The following PRKCH variants were observed in gnomAD, a reference collection of about 807,000 sequenced individuals.
PRKCH encodes the protein protein kinase C eta.
Under a neutral mutation model 82.5 loss-of-function variants are expected in PRKCH, and 28 were observed. The ratio of observed to expected loss-of-function variants is 0.34; its 90% CI spans 0.25 to 0.47. The LOEUF (loss-of-function observed/expected upper bound fraction) is 0.47. PRKCH is among the 20% of genes least tolerant of loss of function. PRKCH has a pLI of 1.00. For synonymous variants in PRKCH, 322 were observed against 327.4 expected (o/e 0.98, Z 0.18); for missense variants, 705 against 881.8 (o/e 0.80, Z 2.54).
intron 2 of PRKCH, among the ~76,000 whole-genome samples, chr14:61,398,968 C>T (rs998057285): frequency 6.6e-6 from 1 of 152,168 alleles, no homozygotes; most frequent in Admixed American, 6.5e-5. Context: ...GTGCCTGGAT[C>T]TGTGAGGATA....
intron 1 of PRKCH, among the ~76,000 whole-genome samples, chr14:61,327,476 T>C (rs1431676601): frequency 1.3e-5 from 2 of 152,220 alleles, no homozygotes; most frequent in East Asian, 3.8e-4. Flanking sequence ...TTTATTTCAG[T>C]GTATGTGAAT....
intron 1 of PRKCH, among the ~76,000 whole-genome samples, chr14:61,365,021 C>T (rs992808337): frequency 1.3e-4 from 20 of 151,876 alleles, no homozygotes; most frequent in Non-Finnish European, 2.9e-4. Context: ...GAGGGAGTGG[C>T]CATGGGAATG....
intron 3 of PRKCH, among the ~76,000 whole-genome samples, chr14:61,445,177 G>C (rs1884161867): frequency 6.6e-6 from 1 of 152,230 alleles, no homozygotes; most frequent in South Asian, 2.1e-4. Flanking sequence ...GATGGAAGTG[G>C]TGGGCCTGAA....
chr14:61,353,200 C>T (rs1404378190), intron 1 of PRKCH, among the ~76,000 whole-genome samples: 1 of 152,090 alleles, frequency 6.6e-6, no homozygotes, highest in Non-Finnish European at 1.5e-5. Context: ...AATGAAGCAT[C>T]GAGCACTTAG....
intron 10 of PRKCH, among the ~76,000 whole-genome samples, chr14:61,498,360 C>T (rs1313713799): frequency 6.6e-6 from 1 of 152,120 alleles, no homozygotes; most frequent in African/African-American, 2.4e-5. Flanking sequence ...TGTTTTTCAA[C>T]ATGATGTCAG....
At position 61,417,071 on chromosome 14, in the gene PRKCH, G is replaced by A. The variant is rs142665964; in HGVS notation, c.427+25783G>A. On this transcript the variant is annotated intron_variant, in intron 2 of 13. Transcript: ENST00000332981. ...ATGATATTTATAAGGGCTGTACATAGGAGCCCTGAAATTCTGTCTTCTCTC... is the reference window on the plus strand; with the variant it reads ...ATGATATTTATAAGGGCTGTACATAAGAGCCCTGAAATTCTGTCTTCTCTC... Among the ~76,000 whole-genome samples, 1,463 of 152,222 alleles carry A rather than the reference G, an allele frequency of 9.6e-3. 24 individuals are homozygous for A. The highest frequency in any genetic ancestry group is 0.034 in the African/African-American group (1,397 of 41,532).
At position 61,434,546 on chromosome 14, in the gene PRKCH, C is replaced by T. The variant is rs534893677; in HGVS notation, c.428-8565C>T. ...GGAAAATGAAATATTCATAGAATCA[C>T]AGCAAGAGAATAGGAATTCTGAACA... On this transcript the variant is annotated intron_variant, in intron 2 of 13. Coordinates refer to ENST00000332981, the MANE Select transcript of PRKCH (RefSeq NM_006255.5). 1.4e-3 allele frequency among the ~76,000 whole-genome samples: 213 copies of T among 152,268 alleles called. 2 individuals are homozygous for T. The highest frequency in any genetic ancestry group is 4.9e-3 in the African/African-American group (202 of 41,556).
In PRKCH at chr14:61,458,394, C is replaced by A. The variant is rs1305645189; in HGVS notation, c.1278+715C>A. On this transcript the variant is annotated intron_variant, in intron 9 of 13. Transcript: ENST00000332981. Reference sequence around the variant, plus strand: ...CAGTGCTACGGTTGGATTTGTTGCTCAGTGACATTGGACATGTCTTTCCCT... The same window carrying A: ...CAGTGCTACGGTTGGATTTGTTGCTAAGTGACATTGGACATGTCTTTCCCT... 2.0e-5 allele frequency among the ~76,000 whole-genome samples: 3 copies of A among 152,306 alleles called. No individual in the cohort carries two copies. In the South Asian group the frequency reaches 6.2e-4, roughly 32 times the overall value.
chr14:61,467,299 A>G (rs1459758690), intron 9 of PRKCH, among the ~76,000 whole-genome samples: 2 of 152,086 alleles, frequency 1.3e-5, no homozygotes, highest in Non-Finnish European at 2.9e-5. Context: ...TGTGTTCCTT[A>G]CTTCTGGACC....
chr14:61,200,843 A>T (rs2044475946), intron 1 of PRKCH, among the ~76,000 whole-genome samples: 2 of 152,254 alleles, frequency 1.3e-5, no homozygotes, highest in Non-Finnish European at 2.9e-5. Flanking sequence ...ATAGGTATGT[A>T]TGTACAGGAG....
Position 61,222,498 on chromosome 14 carries a change from C to T in PRKCH, c.-19+34830C>T, listed in dbSNP as rs539407900. On this transcript the variant is annotated intron_variant, in intron 1 of 3. Transcript: ENST00000555185. ...AAGATACAGACTAGACTCATATTTCCTGTATTAAAATATTTGCACAAAAAC... is the reference window on the plus strand; with the variant it reads ...AAGATACAGACTAGACTCATATTTCTTGTATTAAAATATTTGCACAAAAAC... Among the ~76,000 whole-genome samples the T allele has an allele frequency of 2.8e-4, 43 of 152,248 alleles. 1 individual carries two copies. In the South Asian group the frequency reaches 5.4e-3, roughly 19 times the overall value.
intron 9 of PRKCH, among the ~76,000 whole-genome samples, chr14:61,470,185 C>T (rs780572960): frequency 1.4e-4 from 21 of 151,642 alleles, no homozygotes; most frequent in Non-Finnish European, 2.5e-4. Flanking sequence ...TGGGGGGAGG[C>T]GTAGCTCGAG....
chr14:61,500,046 C>T (rs560817515), intron 10 of PRKCH, among the ~76,000 whole-genome samples: 1 of 150,636 alleles, frequency 6.6e-6, no homozygotes, highest in African/African-American at 2.5e-5. Flanking sequence ...TCTCAGTAAT[C>T]CATAAACCAT....
At chr14:61,319,680 C>T (rs1428304926), upstream of PRKCH, among the ~76,000 whole-genome samples, 1 of 152,156 alleles carries the variant, frequency 6.6e-6, no homozygotes, top group Non-Finnish European at 1.5e-5. Flanking sequence ...AGCTAGAGTT[C>T]AGCTGTTTGG....
At chr14:61,299,637 C>T (rs1398935589) in intron 1 of PRKCH, 1 of 152,168 alleles carries the variant, frequency 6.6e-6, no homozygotes, top group African/African-American at 2.4e-5. Flanking sequence ...ACCTGATTAG[C>T]TATCTACTGT....
chr14:61,296,424 G>C (rs2045406652), intron 1 of PRKCH, among the ~76,000 whole-genome samples: 1 of 152,172 alleles, frequency 6.6e-6, no homozygotes, highest in African/African-American at 2.4e-5. Context: ...CCCAGAGTTG[G>C]GTGGCAGTGT....
chr14:61,358,706 C>A (rs2046183790), intron 1 of PRKCH, among the ~76,000 whole-genome samples: 1 of 152,178 alleles, frequency 6.6e-6, no homozygotes, highest in African/African-American at 2.4e-5. Flanking sequence ...GCATGGTATT[C>A]CTGGGTGTCC....
At chr14:61,290,380 A>G (rs1482701467) in intron 1 of PRKCH, among the ~76,000 whole-genome samples, 1 of 152,194 alleles carries the variant, frequency 6.6e-6, no homozygotes, top group East Asian at 1.9e-4. Flanking sequence ...ATCTTTAACA[A>G]CATACTTAGG....
chr14:61,536,440 G>C (rs1036833695), intron 12 of PRKCH, among the ~76,000 whole-genome samples: 4 of 152,096 alleles, frequency 2.6e-5, no homozygotes, highest in African/African-American at 9.7e-5. Flanking sequence ...CTTTCCCCCT[G>C]AGAGGCAGGA....
Sources: gnomAD v4.1 joint callset for allele counts (sites outside exome capture counted in the v4.1 genomes callset) on GRCh38, gnomAD v4.1.1 for gene constraint, MANE v1.5 for transcripts, NCBI Gene and HGNC (gene_info 2026-07-23, HGNC 2026-07-21) for gene names.